Variants in IMMP2L observed in about 807,000 individuals in gnomAD.
IMMP2L encodes inner mitochondrial membrane peptidase subunit 2.
In IMMP2L, 18 loss-of-function variants were observed where a neutral mutation model predicts 19.3. That is an observed-to-expected ratio of 0.93 (90% CI 0.64 to 1.38). The LOEUF (loss-of-function observed/expected upper bound fraction) is 1.38. Among genes scored for constraint, IMMP2L ranks in the 40% most tolerant of loss-of-function variants. IMMP2L has a pLI of 0.00. For synonymous variants in IMMP2L, 76 were observed against 73.0 expected, an observed-to-expected ratio of 1.04 and a Z score of -0.21; for missense variants, 233 against 218.2, an observed-to-expected ratio of 1.07 and a Z score of -0.43.
chr7:111,511,861 G>A (rs976371865), intron 2 of IMMP2L, among the ~76,000 whole-genome samples: 7 of 152,084 alleles, frequency 4.6e-5, no homozygotes, highest in Non-Finnish European at 1.0e-4. Flanking sequence ...TCAGCAATTA[G>A]GAGATGGGGC....
rs985193156 is a variant in IMMP2L, at chr7:111,427,511, G to C, written c.239+59727C>G. ...TTTGTTAGTACAAATAATAATGACT[G>C]TCACTATTTAACAGAAAACTACATT... On this transcript the variant is annotated intron_variant, in intron 3 of 5. Coordinates refer to ENST00000405709, the MANE Select transcript of IMMP2L (RefSeq NM_032549.4). 1.8e-4 allele frequency among the ~76,000 whole-genome samples: 28 copies of C among 151,746 alleles called. 2 individuals carry two copies. Among genetic ancestry groups the C allele is most frequent in the African/African-American group, 6.8e-4 (28 of 41,140 alleles).
At chr7:111,252,284 T>G (rs1260256782) in intron 3 of IMMP2L, among the ~76,000 whole-genome samples, 1 of 152,156 alleles carries the variant, frequency 6.6e-6, no homozygotes, top group Admixed American at 6.5e-5. Flanking sequence ...TCAAAGTGTA[T>G]GTACGTAGCA....
At chr7:111,285,477 G>T (rs918782719) in intron 3 of IMMP2L, among the ~76,000 whole-genome samples, 2 of 152,094 alleles carry the variant, frequency 1.3e-5, no homozygotes, top group Non-Finnish European at 2.9e-5. Flanking sequence ...ATCATTAAGG[G>T]CGTATTCTCT....
chr7:111,013,110 A>G (rs1481823070), intron 3 of IMMP2L, among the ~76,000 whole-genome samples: 1 of 151,990 alleles, frequency 6.6e-6, no homozygotes, highest in Non-Finnish European at 1.5e-5. Context: ...GCCTTAGAAG[A>G]CCCCTAGATA....
chr7:111,254,907 CAACAT>C (rs1816540093), intron 3 of IMMP2L, among the ~76,000 whole-genome samples: 1 of 152,128 alleles, frequency 6.6e-6, no homozygotes, highest in Admixed American at 6.6e-5. Context: ...AGCTCTTTAT[CAACAT>C]TAACTTTTGC....
intron 3 of IMMP2L, among the ~76,000 whole-genome samples, chr7:111,041,146 AAATTT>A (rs1257492379): frequency 6.6e-6 from 1 of 152,146 alleles, no homozygotes; most frequent in Non-Finnish European, 1.5e-5. Context: ...CCACCTAAGG[AAATTT>A]AAATTATTGT....
At chr7:111,508,824 G>T (rs1446488883) in intron 2 of IMMP2L, among the ~76,000 whole-genome samples, 1 of 152,170 alleles carries the variant, frequency 6.6e-6, no homozygotes, top group East Asian at 1.9e-4. Flanking sequence ...TCCAGTCTGA[G>T]GATGTAACTT....
chr7:111,133,875 CTTCAG>C lies in IMMP2L; in HGVS notation c.240-170315_240-170311del, dbSNP rs557952296. On this transcript the variant is annotated intron_variant, in intron 3 of 5. Transcript: ENST00000405709. ...ACTCTCAGAAACAAACACCCTTTATCTTCAGTTATTATAGTCCAGTATTTGATTGA... is the reference window on the plus strand; with the variant it reads ...ACTCTCAGAAACAAACACCCTTTATCTTATTATAGTCCAGTATTTGATTGA... Among the ~76,000 whole-genome samples the C allele has an allele frequency of 9.2e-5, 14 of 152,146 alleles. 1 individual carries two copies. In the South Asian group the frequency reaches 2.9e-3, roughly 32 times the overall value.
chr7:110,749,862 A>G (rs187412454), intron 5 of IMMP2L, among the ~76,000 whole-genome samples: 4 of 152,086 alleles, frequency 2.6e-5, no homozygotes, highest in Admixed American at 2.6e-4. Flanking sequence ...AAACCTGCAC[A>G]TTCTGCACAT....
chr7:110,842,396 C>T (rs769522419), intron 5 of IMMP2L, among the ~76,000 whole-genome samples: 2 of 152,074 alleles, frequency 1.3e-5, no homozygotes, highest in South Asian at 2.1e-4. Context: ...GGCTTGAGTT[C>T]GGGTCCACAG....
At chr7:111,132,594 T>C (rs1801955137) in intron 3 of IMMP2L, among the ~76,000 whole-genome samples, 1 of 152,078 alleles carries the variant, frequency 6.6e-6, no homozygotes, top group South Asian at 2.1e-4. Context: ...CTTAGCTTTG[T>C]TGACTGACGT....
At chr7:111,164,249 C>T (rs911505386) in intron 3 of IMMP2L, among the ~76,000 whole-genome samples, 1 of 151,836 alleles carries the variant, frequency 6.6e-6, no homozygotes, top group Middle Eastern at 3.2e-3. Context: ...AGTATTAGGT[C>T]GGCGCAATTA....
chr7:110,826,579 T>C (rs1803513155), intron 5 of IMMP2L, among the ~76,000 whole-genome samples: 1 of 151,796 alleles, frequency 6.6e-6, no homozygotes, highest in Non-Finnish European at 1.5e-5. Context: ...CAGCAAACTA[T>C]CGCAAGGACA....
intron 3 of IMMP2L, among the ~76,000 whole-genome samples, chr7:111,356,120 C>T (rs1395161284): frequency 2.0e-5 from 3 of 151,400 alleles, no homozygotes; most frequent in African/African-American, 7.3e-5. Context: ...ACACAGAAAA[C>T]TTCATATTGA....
At chr7:111,282,562 G>C (rs1820012816) in intron 3 of IMMP2L, among the ~76,000 whole-genome samples, 1 of 151,890 alleles carries the variant, frequency 6.6e-6, no homozygotes, top group African/African-American at 2.4e-5. Context: ...AATAATAGTT[G>C]GAAATTTAAA....
intron 2 of IMMP2L, among the ~76,000 whole-genome samples, chr7:111,510,255 C>G (rs1845312554): frequency 6.6e-6 from 1 of 152,078 alleles, no homozygotes; most frequent in Non-Finnish European, 1.5e-5. Context: ...TGGTATAACA[C>G]AATAGTGAGT....
At chr7:111,032,842 G>A (rs535600828) in intron 3 of IMMP2L, among the ~76,000 whole-genome samples, 25 of 151,646 alleles carry the variant, frequency 1.6e-4, no homozygotes, top group South Asian at 1.0e-3. Flanking sequence ...TAAATAGGCC[G>A]GGTGTGGTGG....
At chr7:111,301,885 T>C (rs1822276412) in intron 3 of IMMP2L, among the ~76,000 whole-genome samples, 1 of 146,306 alleles carries the variant, frequency 6.8e-6, no homozygotes, top group African/African-American at 2.5e-5. Context: ...CAAAATGGTT[T>C]TTAAATGTAA....
At chr7:111,057,459 GT>G (rs1793621888) in intron 3 of IMMP2L, among the ~76,000 whole-genome samples, 1 of 151,748 alleles carries the variant, frequency 6.6e-6, no homozygotes, top group Admixed American at 6.6e-5. Context: ...GAACAGATAT[GT>G]AAGAATTTTT....
Sources: allele counts gnomAD v4.1 joint callset (sites outside exome capture counted in the v4.1 genomes callset), GRCh38; gene constraint gnomAD v4.1.1; transcripts MANE v1.5; gene names NCBI Gene and HGNC (gene_info 2026-07-23, HGNC 2026-07-21).